The following SLC39A11 variants were observed in gnomAD, a reference collection of about 807,000 sequenced individuals.
The protein encoded by SLC39A11 is solute carrier family 39 member 11.
Under a neutral mutation model 36.1 loss-of-function variants are expected in SLC39A11, and 33 were observed. The ratio of observed to expected loss-of-function variants is 0.91; its 90% CI spans 0.69 to 1.22. The LOEUF (loss-of-function observed/expected upper bound fraction) is 1.22. Ranked by LOEUF, SLC39A11 falls within the 50% of genes most tolerant of loss-of-function variation. The pLI, the probability that SLC39A11 is intolerant of heterozygous loss-of-function variation, is 0.00. For synonymous variants in SLC39A11, 166 were observed against 170.3 expected (o/e 0.97, Z 0.20); for missense variants, 432 against 430.3 (o/e 1.00, Z -0.03).
chr17:72,735,205 C>T (rs1000459197), intron 7 of SLC39A11, among the ~76,000 whole-genome samples: 9 of 152,120 alleles, frequency 5.9e-5, no homozygotes, highest in Admixed American at 6.6e-5. Flanking sequence ...TGCACATATT[C>T]GGGGCTTCAT....
At chr17:72,765,975 A>G (rs9891327) in intron 6 of SLC39A11, among the ~76,000 whole-genome samples, 2,222 of 152,296 alleles carry the variant, frequency 0.015, 41 homozygotes, top group African/African-American at 0.05. Flanking sequence ...GAGCTGGGGC[A>G]GGAATCGCTG....
chr17:72,947,986 C>T, intron 4 of SLC39A11, 111 bp from the exon 5 acceptor site: 2 of 1,377,692 alleles, frequency 1.5e-6, no homozygotes, highest in Non-Finnish European at 2.0e-6. Flanking sequence ...AAGACCGCCA[C>T]AGCTGAGCCA....
intron 4 of SLC39A11, among the ~76,000 whole-genome samples, chr17:72,979,887 C>T (rs2088170461): frequency 6.6e-6 from 1 of 152,036 alleles, no homozygotes; most frequent in South Asian, 2.1e-4. Flanking sequence ...CGGCAAGCAC[C>T]CCTCCCATGA....
At chr17:72,787,117 G>A (rs1049018886) in intron 6 of SLC39A11, among the ~76,000 whole-genome samples, 1 of 151,762 alleles carries the variant, frequency 6.6e-6, no homozygotes, top group African/African-American at 2.4e-5. Context: ...ACCAAGCCTG[G>A]CCGCAATCCC....
chr17:73,016,426 C>T (rs984408656), intron 4 of SLC39A11, among the ~76,000 whole-genome samples: 1 of 152,022 alleles, frequency 6.6e-6, no homozygotes, highest in African/African-American at 2.4e-5. Flanking sequence ...CTCCCCCTCC[C>T]AAGTTCAAGT....
chr17:72,947,556 C>T, intron 5 of SLC39A11, 196 bp downstream of exon 5: 2 of 756,884 alleles, frequency 2.6e-6, no homozygotes, highest in Non-Finnish European at 2.2e-6. Flanking sequence ...GTGGTTTGGA[C>T]AACAAATGAG....
At chr17:72,780,987 C>CA (rs887894878) in intron 6 of SLC39A11, among the ~76,000 whole-genome samples, 11 of 151,106 alleles carry the variant, frequency 7.3e-5, no homozygotes, top group African/African-American at 2.5e-4. Context: ...AATTCCATCT[C>CA]AAAAAAAGAA....
intron 6 of SLC39A11, among the ~76,000 whole-genome samples, chr17:72,806,135 T>C (rs2077248676): frequency 6.6e-6 from 1 of 152,182 alleles, no homozygotes. Flanking sequence ...AGAGATCCTT[T>C]TGGACTAGTG....
At chr17:72,916,807 T>C (rs189501729) in intron 5 of SLC39A11, among the ~76,000 whole-genome samples, 2 of 152,230 alleles carry the variant, frequency 1.3e-5, no homozygotes, top group Non-Finnish European at 2.9e-5. Context: ...CCTCAATTCA[T>C]GGCAAGCCCA....
At chr17:72,845,431 ACACT>A (rs1308789982) in intron 6 of SLC39A11, among the ~76,000 whole-genome samples, 1 of 152,120 alleles carries the variant, frequency 6.6e-6, no homozygotes, top group Non-Finnish European at 1.5e-5. Flanking sequence ...TCTGCCTAAA[ACACT>A]CACTGTTTCC....
intron 5 of SLC39A11, among the ~76,000 whole-genome samples, chr17:72,903,929 A>G (rs1374674997): frequency 2.0e-5 from 3 of 152,156 alleles, no homozygotes; most frequent in Non-Finnish European, 4.4e-5. Context: ...TGGGCAGGAA[A>G]AAAAGTCTGC....
chr17:72,661,644 T>C (rs2070425764), intron 7 of SLC39A11, among the ~76,000 whole-genome samples: 1 of 152,164 alleles, frequency 6.6e-6, no homozygotes, highest in Admixed American at 6.5e-5. Context: ...AGGTGTTTGA[T>C]GAGCCTGCAG....
At position 73,026,483 on chromosome 17, in the gene SLC39A11, T is replaced by C. The variant is rs534818281; in HGVS notation, c.306+5073A>G. Reference sequence around the variant, plus strand: ...GCAGTGAGCCAGGATCGCACCATTGTACTCCAGCCTGGGCAACAAGAGCGA... The same window carrying C: ...GCAGTGAGCCAGGATCGCACCATTGCACTCCAGCCTGGGCAACAAGAGCGA... On this transcript the variant is annotated intron_variant, in intron 4 of 9. Transcript: ENST00000255559. Among the ~76,000 whole-genome samples the C allele has an allele frequency of 1.0e-3, 142 of 135,618 alleles. 1 individual carries two copies. The highest frequency in any genetic ancestry group is 3.8e-3 in the African/African-American group (131 of 34,666). 89.0% of individuals were successfully genotyped at this position (135,618 alleles called of 152,430 possible).
chr17:72,959,311 ATGTGTGTGTGTGTG>A (rs1214552224), intron 4 of SLC39A11, among the ~76,000 whole-genome samples: 2 of 92,598 alleles, frequency 2.2e-5, no homozygotes, highest in East Asian at 6.0e-4. Context: ...TGGTGTATGT[ATGTGTGTGTGTGTG>A]TATATATATA....
intron 4 of SLC39A11, among the ~76,000 whole-genome samples, chr17:72,989,310 G>A (rs990055763): frequency 1.3e-5 from 2 of 152,206 alleles, no homozygotes; most frequent in African/African-American, 4.8e-5. Context: ...CCTGACTCTA[G>A]AATCATCCTT....
intron 5 of SLC39A11, among the ~76,000 whole-genome samples, chr17:72,890,779 A>G (rs974693528): frequency 1.3e-5 from 2 of 152,144 alleles, no homozygotes; most frequent in Non-Finnish European, 2.9e-5. Flanking sequence ...TCCAGGAGAG[A>G]ATGCCAGGAA....
At chr17:72,899,822 C>T (rs551492451) in intron 5 of SLC39A11, among the ~76,000 whole-genome samples, 4 of 151,968 alleles carry the variant, frequency 2.6e-5, no homozygotes, top group Non-Finnish European at 4.4e-5. Context: ...GTTAGCCGGG[C>T]GTGGGGGCAG....
chr17:72,713,979 G>A (rs1164945401), intron 7 of SLC39A11, among the ~76,000 whole-genome samples: 1 of 152,168 alleles, frequency 6.6e-6, no homozygotes, highest in African/African-American at 2.4e-5. Context: ...TAACGTCAGG[G>A]ACCTCAAATT....
chr17:72,914,245 G>C (rs2083206551), intron 5 of SLC39A11, among the ~76,000 whole-genome samples: 1 of 151,750 alleles, frequency 6.6e-6, no homozygotes, highest in Non-Finnish European at 1.5e-5. Context: ...GAACCCGGGA[G>C]GCAGAGCTTG....
Sources: allele counts gnomAD v4.1 joint callset (sites outside exome capture counted in the v4.1 genomes callset), GRCh38; gene constraint gnomAD v4.1.1; transcripts MANE v1.5; gene names NCBI Gene and HGNC (gene_info 2026-07-23, HGNC 2026-07-21).